Variants in CLOCK observed in about 807,000 individuals in gnomAD.
CLOCK encodes clock circadian regulator, also known as circadian locomoter output cycles protein kaput.
A neutral mutation model predicts 118.4 loss-of-function variants in CLOCK; 43 were observed. The ratio of observed to expected loss-of-function variants is 0.36; its 90% CI spans 0.28 to 0.47. The LOEUF (loss-of-function observed/expected upper bound fraction) is 0.47, where lower values mean the gene tolerates loss of function less well. CLOCK is among the 20% of genes least tolerant of loss of function. The pLI is 1.00. For missense variants in CLOCK, 846 were observed against 999.9 expected, an observed-to-expected ratio of 0.85 and a Z score of 2.08; for synonymous variants, 326 against 339.2, an observed-to-expected ratio of 0.96 and a Z score of 0.43.
At chr4:55,522,945 T>G (rs112931896) in intron 1 of CLOCK, among the ~76,000 whole-genome samples, 1 of 151,942 alleles carries the variant, frequency 6.6e-6, no homozygotes, top group African/African-American at 2.4e-5. Context: ...ACAGGCCAGG[T>G]TGAATAAAAA....
intron 1 of CLOCK, chr4:55,540,869 G>A (rs751457115): frequency 6.6e-6 from 1 of 152,206 alleles, no homozygotes; most frequent in Non-Finnish European, 1.5e-5. Flanking sequence ...AATTAAAAAT[G>A]TTAAGTACCT....
chr4:55,446,654 T>A (rs1454876524), intron 18 of CLOCK, among the ~76,000 whole-genome samples: 1 of 152,246 alleles, frequency 6.6e-6, no homozygotes, highest in Admixed American at 6.5e-5. Flanking sequence ...TTCTCTGTTT[T>A]ACTTGAGTCA....
At chr4:55,440,262 T>A (rs1183680964) in intron 21 of CLOCK, among the ~76,000 whole-genome samples, 1 of 152,220 alleles carries the variant, frequency 6.6e-6, no homozygotes, top group Admixed American at 6.5e-5. Flanking sequence ...TCCTCTCAAT[T>A]TATAAATTCA....
intron 1 of CLOCK, among the ~76,000 whole-genome samples, chr4:55,511,348 T>C (rs567344809): frequency 6.6e-6 from 1 of 152,286 alleles, no homozygotes; most frequent in South Asian, 2.1e-4. Flanking sequence ...CAACAAGAAA[T>C]GTCAACAATA....
At chr4:55,443,574 T>C (rs1723545972) in intron 20 of CLOCK, 113 bp downstream of exon 20, 1 of 826,194 alleles carries the variant, frequency 1.2e-6, no homozygotes, top group Non-Finnish European at 2.0e-6. Flanking sequence ...ACTTTCTAAA[T>C]ACTATTAAAT....
chr4:55,459,344 G>T (rs1725152842), intron 9 of CLOCK, 83 bp from the exon 10 acceptor site: 2 of 854,540 alleles, frequency 2.3e-6, no homozygotes, highest in African/African-American at 1.7e-5. Context: ...GATCATAAAA[G>T]TTGTGTAAGT....
intron 13 of CLOCK, 65 bp from the exon 14 acceptor site, chr4:55,453,889 A>C: frequency 8.2e-7 from 1 of 1,223,212 alleles, no homozygotes; most frequent in Non-Finnish European, 1.2e-6. Flanking sequence ...TTTTTTAACC[A>C]AAAGCTATCA....
intron 1 of CLOCK, among the ~76,000 whole-genome samples, chr4:55,536,164 G>A (rs916836471): frequency 6.6e-6 from 1 of 152,160 alleles, no homozygotes; most frequent in African/African-American, 2.4e-5. Flanking sequence ...AAAGCAAAGT[G>A]AAATTTCCTA....
chr4:55,479,111 A>G, intron 5 of CLOCK, 148 bp from the exon 6 acceptor site: 1 of 605,962 alleles, frequency 1.7e-6, no homozygotes, highest in Non-Finnish European at 2.6e-6. Context: ...TATACAGTTA[A>G]TTTGGGCAAT....
intron 1 of CLOCK, among the ~76,000 whole-genome samples, chr4:55,536,418 A>G (rs1431712507): frequency 6.6e-6 from 1 of 152,166 alleles, no homozygotes; most frequent in Non-Finnish European, 1.5e-5. Flanking sequence ...CAACTGGATC[A>G]TGGGGGCAGA....
chr4:55,528,659 C>T (rs551559855), intron 1 of CLOCK, among the ~76,000 whole-genome samples: 6 of 148,230 alleles, frequency 4.0e-5, no homozygotes, highest in Non-Finnish European at 7.5e-5. Context: ...CGAAGCACAG[C>T]CCAAAATCTA....
At chr4:55,453,174 T>A in intron 14 of CLOCK, 45 bp from the exon 15 acceptor site, 1 of 1,428,874 alleles carries the variant, frequency 7.0e-7, no homozygotes, top group Non-Finnish European at 9.9e-7. Flanking sequence ...TGGTCATTCG[T>A]TTAAAATACT....
intron 8 of CLOCK, among the ~76,000 whole-genome samples, chr4:55,467,653 G>C (rs1725825466): frequency 6.6e-6 from 1 of 152,136 alleles, no homozygotes; most frequent in Admixed American, 6.5e-5. Context: ...AAATTACTTA[G>C]ACATTATCTT....
chr4:55,539,875 T>G (rs1428536906), intron 1 of CLOCK, among the ~76,000 whole-genome samples: 1 of 152,132 alleles, frequency 6.6e-6, no homozygotes, highest in African/African-American at 2.4e-5. Flanking sequence ...TGCAGTGGAC[T>G]ACATTAGGAG....
At chr4:55,508,794 G>A (rs547556931) in intron 2 of CLOCK, among the ~76,000 whole-genome samples, 46 of 152,142 alleles carry the variant, frequency 3.0e-4, no homozygotes, top group Middle Eastern at 3.4e-3. Context: ...GAGTTTCACC[G>A]TGTTAGCCAG....
At chr4:55,504,092 G>A (rs1180526850) in intron 2 of CLOCK, among the ~76,000 whole-genome samples, 4 of 150,164 alleles carry the variant, frequency 2.7e-5, no homozygotes, top group African/African-American at 7.3e-5. Context: ...AGACCATCCT[G>A]GCTAACACAG....
At chr4:55,545,914 G>A (rs1029415712) in intron 1 of CLOCK, 1 of 152,218 alleles carries the variant, frequency 6.6e-6, no homozygotes, top group Non-Finnish European at 1.5e-5. Context: ...GAACCCGCGC[G>A]CGGTCGCTGG....
intron 13 of CLOCK, 101 bp from the exon 14 acceptor site, chr4:55,453,925 T>C (rs1577709170): frequency 2.3e-6 from 2 of 888,592 alleles, no homozygotes; most frequent in East Asian, 2.7e-5. Context: ...ACACATACTA[T>C]TATTTTTCTG....
At chr4:55,478,572 T>A (rs908213263) in intron 6 of CLOCK, among the ~76,000 whole-genome samples, 2 of 152,198 alleles carry the variant, frequency 1.3e-5, no homozygotes, top group Admixed American at 1.3e-4. Context: ...CATGTTTGTC[T>A]GCCCTGGCTT....
Sources: allele counts gnomAD v4.1 joint callset (sites outside exome capture counted in the v4.1 genomes callset), GRCh38; gene constraint gnomAD v4.1.1; transcripts MANE v1.5; gene names NCBI Gene and HGNC (gene_info 2026-07-23, HGNC 2026-07-21).